Variants in EFHD1 observed in about 807,000 individuals in gnomAD.
EFHD1 encodes EF-hand domain family member D1.
EFHD1 carries 10 observed loss-of-function variants against 17.2 expected under a neutral mutation model. The observed-to-expected ratio is 0.58, with a 90% CI of 0.36 to 0.99. The LOEUF (loss-of-function observed/expected upper bound fraction) is 0.99, where lower values mean the gene tolerates loss of function less well. EFHD1 is among the 50% of genes least tolerant of loss of function. EFHD1 has a pLI of 0.01. For missense variants in EFHD1, 310 were observed against 327.5 expected (o/e 0.95, Z 0.41); for synonymous variants, 153 against 142.0 (o/e 1.08, Z -0.55).
At chr2:232,653,336 G>T (rs1292745565) in intron 1 of EFHD1, among the ~76,000 whole-genome samples, 1 of 151,964 alleles carries the variant, frequency 6.6e-6, no homozygotes, top group Admixed American at 6.6e-5. Flanking sequence ...TGTCGCCCAG[G>T]CTGGAGTGCA....
chr2:232,660,619 ATATGATAC>A (rs1694846889), intron 1 of EFHD1, among the ~76,000 whole-genome samples: 1 of 152,148 alleles, frequency 6.6e-6, no homozygotes, highest in Non-Finnish European at 1.5e-5. Context: ...ACGGGTGGGC[ATATGATAC>A]TATACCCAGC....
intron 1 of EFHD1, among the ~76,000 whole-genome samples, chr2:232,649,692 C>T (rs1183659810): frequency 2.6e-5 from 4 of 152,150 alleles, no homozygotes; most frequent in Non-Finnish European, 5.9e-5. Context: ...GCCCCTCGAC[C>T]ACTCTGCAAG....
At chr2:232,677,762 C>T (rs1406761956) in intron 3 of EFHD1, among the ~76,000 whole-genome samples, 1 of 152,048 alleles carries the variant, frequency 6.6e-6, no homozygotes. Context: ...TCTGCTCCAA[C>T]TCCCCCAACA....
At chr2:232,631,242 A>G (rs2106191425), upstream of EFHD1, among the ~76,000 whole-genome samples, 1 of 151,420 alleles carries the variant, frequency 6.6e-6, no homozygotes, top group East Asian at 1.9e-4. Context: ...AAAAAATTGT[A>G]TTACCTACTC....
At chr2:232,651,179 C>G (rs1349500462) in intron 1 of EFHD1, among the ~76,000 whole-genome samples, 2 of 152,296 alleles carry the variant, frequency 1.3e-5, no homozygotes, top group East Asian at 3.9e-4. Context: ...GATTGAGGTT[C>G]ATCCTCCCTC....
At chr2:232,663,914 TC>T (rs980330121) in intron 2 of EFHD1, among the ~76,000 whole-genome samples, 7 of 152,168 alleles carry the variant, frequency 4.6e-5, no homozygotes, top group Non-Finnish European at 8.8e-5. Flanking sequence ...CACCTCAGCC[TC>T]CTGAGTAGCT....
At chr2:232,680,256 C>T (rs527627945) in intron 3 of EFHD1, among the ~76,000 whole-genome samples, 32 of 151,036 alleles carry the variant, frequency 2.1e-4, no homozygotes, top group African/African-American at 7.8e-4. Flanking sequence ...GCCTGGACAA[C>T]AGAGTGAGAC....
chr2:232,678,400 A>C (rs1695216201), intron 3 of EFHD1, among the ~76,000 whole-genome samples: 1 of 152,254 alleles, frequency 6.6e-6, no homozygotes, highest in African/African-American at 2.4e-5. Flanking sequence ...AAAGTCATTT[A>C]AATTAAATAT....
At position 232,678,578 on chromosome 2, in the gene EFHD1, A is replaced by G. The variant is rs910559123; in HGVS notation, c.586-3007A>G. ...GGCGGTTGGATCACCTGAGGTGGAG[A>G]GTTCGAAACCAGCCTGACCAACATG... On this transcript the variant is annotated intron_variant, in intron 3 of 3. Transcript: ENST00000264059. 5.9e-5 allele frequency among the ~76,000 whole-genome samples: 9 copies of G among 152,242 alleles called. No homozygotes were observed. In the East Asian group the frequency reaches 1.5e-3, roughly 26 times the overall value.
intron 1 of EFHD1, among the ~76,000 whole-genome samples, chr2:232,660,352 GC>G (rs944050672): frequency 6.6e-6 from 1 of 151,498 alleles, no homozygotes; most frequent in African/African-American, 2.4e-5. Flanking sequence ...CTGCCACCAC[GC>G]CCGGCTCATT....
Position 232,663,013 on chromosome 2 carries a change from G to T in EFHD1, c.450+64G>T, listed in dbSNP as rs531684868. ...CCCTGAGAGGACCTTCAGGTGTACA[G>T]CCCACTGGAGCACAAATGGGTTTGG... On this transcript the variant is annotated intron_variant, in intron 2 of 3. Transcript: ENST00000264059. The T allele has an allele frequency of 3.7e-5, 54 of 1,465,414 alleles. 1 individual carries two copies. In the East Asian group the frequency reaches 8.9e-4, roughly 24 times the overall value. 90.8% of individuals were successfully genotyped at this position (1,465,414 alleles called of 1,614,324 possible).
chr2:232,627,535 C>T (rs544654980), intron 1 of EFHD1, among the ~76,000 whole-genome samples: 1 of 152,206 alleles, frequency 6.6e-6, no homozygotes, highest in East Asian at 1.9e-4. Context: ...CTTTTTTCAG[C>T]TATATATCCA....
At chr2:232,633,497 A>C (rs556254207), upstream of EFHD1, 244 of 1,251,036 alleles carry the variant, frequency 2.0e-4, no homozygotes, top group Admixed American at 2.9e-3. Flanking sequence ...CCAGGCTGGC[A>C]GTCGCTGAGC....
intron 2 of EFHD1, among the ~76,000 whole-genome samples, chr2:232,663,224 G>T (rs75849066): frequency 0.01 from 1,585 of 152,158 alleles, 32 homozygotes; most frequent in African/African-American, 0.036. Context: ...ATTTATGGGG[G>T]CAAAATGTTG....
chr2:232,643,768 C>T (rs1001672993), intron 1 of EFHD1, among the ~76,000 whole-genome samples: 1 of 152,210 alleles, frequency 6.6e-6, no homozygotes, highest in Non-Finnish European at 1.5e-5. Flanking sequence ...ACTGCAACCT[C>T]CACCTCCTGG....
Position 232,677,873 on chromosome 2 carries a change from T to C in EFHD1, c.586-3712T>C, listed in dbSNP as rs1231367985. ...GAAAAAGATAATATCATATTCATTCTCTGAAGCTATTGATTCTGATAAAGT... is the reference window on the plus strand; with the variant it reads ...GAAAAAGATAATATCATATTCATTCCCTGAAGCTATTGATTCTGATAAAGT... On this transcript the variant is annotated intron_variant, in intron 3 of 3. Transcript: ENST00000264059. 2.0e-5 allele frequency among the ~76,000 whole-genome samples: 3 copies of C among 152,234 alleles called. No homozygotes were observed. In the East Asian group the frequency reaches 5.8e-4, roughly 29 times the overall value.
At chr2:232,632,639 T>C (rs775684015), upstream of EFHD1, among the ~76,000 whole-genome samples, 2 of 152,192 alleles carry the variant, frequency 1.3e-5, no homozygotes, top group Non-Finnish European at 2.9e-5. Context: ...CTTCGTTTAT[T>C]TTTAGAGCCA....
chr2:232,619,570 C>A (rs1037598965), intron 1 of EFHD1, among the ~76,000 whole-genome samples: 9 of 152,128 alleles, frequency 5.9e-5, no homozygotes, highest in African/African-American at 2.2e-4. Flanking sequence ...CTCAGCCTCC[C>A]AAAGGCTGGA....
At chr2:232,614,031 C>A (rs1426878281) in intron 1 of EFHD1, among the ~76,000 whole-genome samples, 2 of 134,334 alleles carry the variant, frequency 1.5e-5, no homozygotes, top group South Asian at 2.4e-4. Flanking sequence ...AATACACACA[C>A]AAACATACAC....
Sources: allele counts gnomAD v4.1 joint callset (sites outside exome capture counted in the v4.1 genomes callset), GRCh38; gene constraint gnomAD v4.1.1; transcripts MANE v1.5; gene names NCBI Gene and HGNC (gene_info 2026-07-23, HGNC 2026-07-21).